CIB4: variants seen among roughly 807,000 people sequenced by gnomAD.
CIB4 encodes the protein calcium and integrin binding family member 4.
Under a neutral mutation model 25.8 loss-of-function variants are expected in CIB4, and 25 were observed. That is an observed-to-expected ratio of 0.97 (90% CI 0.71 to 1.35). The LOEUF is 1.35. CIB4 is among the 40% of genes most tolerant of loss of function. The probability of loss-of-function intolerance (pLI) is 0.00; values close to 1 mark genes in which losing one functional copy is unlikely to be tolerated. For missense variants in CIB4, 235 were observed against 228.2 expected, an observed-to-expected ratio of 1.03 and a Z score of -0.19; for synonymous variants, 75 against 81.4, an observed-to-expected ratio of 0.92 and a Z score of 0.42.
At chr2:26,625,630 G>T (rs1002602480) in intron 3 of CIB4, among the ~76,000 whole-genome samples, 2 of 152,178 alleles carry the variant, frequency 1.3e-5, no homozygotes, top group Non-Finnish European at 2.9e-5. Context: ...GGGATTACAG[G>T]CGTGAGCCAC....
chr2:26,604,981 T>C (rs924530995), intron 3 of CIB4, among the ~76,000 whole-genome samples: 3 of 152,194 alleles, frequency 2.0e-5, no homozygotes, highest in African/African-American at 7.2e-5. Flanking sequence ...TACATTTTTT[T>C]CCAAGTGTAC....
At chr2:26,610,614 C>T (rs1027721823) in intron 3 of CIB4, among the ~76,000 whole-genome samples, 1 of 152,182 alleles carries the variant, frequency 6.6e-6, no homozygotes, top group African/African-American at 2.4e-5. Context: ...TTATTAAGTA[C>T]CCAGACCTCT....
chr2:26,624,408 A>C (rs1247535633), intron 3 of CIB4, among the ~76,000 whole-genome samples: 1 of 152,204 alleles, frequency 6.6e-6, no homozygotes, highest in Non-Finnish European at 1.5e-5. Flanking sequence ...GGAAAGACAC[A>C]GAAGGAATCT....
At chr2:26,608,694 C>G (rs777800595) in intron 3 of CIB4, among the ~76,000 whole-genome samples, 1 of 152,136 alleles carries the variant, frequency 6.6e-6, no homozygotes, top group Non-Finnish European at 1.5e-5. Flanking sequence ...TGGTGTGAAG[C>G]GCAGACCACA....
rs1427760433 is a variant in CIB4 at position 26,582,854 on chromosome 2, A to G, written c.498T>C (p.His166=). 1 of 1,613,498 alleles carries G rather than the reference A, an allele frequency of 6.2e-7. No homozygotes were observed. Among genetic ancestry groups the G allele is most frequent in the Non-Finnish European group, 8.5e-7 (1 of 1,179,530 alleles). The part of the protein sequence containing the change: ...DNMLSFSEFE[H]AMAKSPDFMN... ...TGAAATCTGGAGACTTGGCCATTGC[A>G]TGTTCAAACTCTGAGAAGGACAGCA... The change falls in exon 6 of 7, where the codon CAT becomes CAC. Residue 166 remains histidine, a synonymous_variant. Transcript: ENST00000288861.
chr2:26,619,411 G>A (rs1429632537), intron 3 of CIB4, among the ~76,000 whole-genome samples: 1 of 152,130 alleles, frequency 6.6e-6, no homozygotes, highest in Non-Finnish European at 1.5e-5. Context: ...GGGGGCAGCT[G>A]CTATATGTGC....
chr2:26,608,271 G>T (rs991169420), intron 3 of CIB4, among the ~76,000 whole-genome samples: 2 of 150,906 alleles, frequency 1.3e-5, no homozygotes, highest in African/African-American at 4.9e-5. Flanking sequence ...GAGTGGGTCT[G>T]GTGAGAAGGG....
At chr2:26,583,044 T>G in intron 5 of CIB4, 131 bp from the exon 6 acceptor site, 1 of 603,254 alleles carries the variant, frequency 1.7e-6, no homozygotes. Context: ...CTGGGTCCCC[T>G]GACCCCAGTG....
chr2:26,614,237 C>G (rs1669050253), intron 3 of CIB4, among the ~76,000 whole-genome samples: 1 of 152,186 alleles, frequency 6.6e-6, no homozygotes, highest in Non-Finnish European at 1.5e-5. Flanking sequence ...CTCAAGCCAG[C>G]AGGCAGAGAG....
intron 4 of CIB4, among the ~76,000 whole-genome samples, chr2:26,588,584 C>T (rs550851874): frequency 3.3e-5 from 5 of 152,344 alleles, no homozygotes; most frequent in African/African-American, 1.2e-4. Flanking sequence ...CTTGCAGTTT[C>T]CCAGGACTTT....
intron 2 of CIB4, among the ~76,000 whole-genome samples, chr2:26,639,261 T>C (rs1211748549): frequency 3.9e-5 from 6 of 152,030 alleles, no homozygotes; most frequent in African/African-American, 1.4e-4. Flanking sequence ...GTTTGTTACA[T>C]AGGTATACAC....
At chr2:26,622,540 G>T (rs966393738) in intron 3 of CIB4, among the ~76,000 whole-genome samples, 2 of 151,946 alleles carry the variant, frequency 1.3e-5, no homozygotes, top group Non-Finnish European at 2.9e-5. Flanking sequence ...ATCAAGAAGG[G>T]GTAATACAAG....
chr2:26,632,618 C>A (rs961541368), intron 2 of CIB4, among the ~76,000 whole-genome samples: 1 of 152,076 alleles, frequency 6.6e-6, no homozygotes, highest in African/African-American at 2.4e-5. Context: ...ATTAGCCCAG[C>A]ATGGTGGCGC....
chr2:26,640,583 G>A lies in CIB4; in HGVS notation c.55-16C>T, dbSNP rs1669616693. 2 of 1,610,416 alleles carry A rather than the reference G, an allele frequency of 1.2e-6. No homozygotes were observed. Among genetic ancestry groups the A allele is most frequent in the South Asian group, 2.2e-5 (2 of 90,562 alleles). On this transcript the variant is annotated splice_polypyrimidine_tract_variant and intron_variant, in intron 1 of 6. Transcript: ENST00000288861. ...AGGTCAGGGCCTGCAACAAATCACAGAGAAGCGACGTGTCCACTCCATTCA... is the reference window on the plus strand; with the variant it reads ...AGGTCAGGGCCTGCAACAAATCACAAAGAAGCGACGTGTCCACTCCATTCA...
intron 1 of CIB4, 34 bp downstream of exon 1, chr2:26,641,227 C>G (rs373642726): frequency 6.4e-7 from 1 of 1,574,610 alleles, no homozygotes; most frequent in Non-Finnish European, 8.7e-7. Flanking sequence ...GAAGCTCCCA[C>G]CTCTGCCCAG....
At chr2:26,608,686 G>C (rs1306397304) in intron 3 of CIB4, among the ~76,000 whole-genome samples, 2 of 152,166 alleles carry the variant, frequency 1.3e-5, no homozygotes, top group African/African-American at 4.8e-5. Context: ...GGGAGAAGTG[G>C]TGTGAAGCGC....
chr2:26,638,164 A>G (rs1228880059), intron 2 of CIB4, among the ~76,000 whole-genome samples: 3 of 152,176 alleles, frequency 2.0e-5, no homozygotes, highest in Non-Finnish European at 4.4e-5. Context: ...AGAAGTTTGC[A>G]CTGAACCATG....
At chr2:26,636,127 G>C (rs1669528158) in intron 2 of CIB4, among the ~76,000 whole-genome samples, 1 of 151,796 alleles carries the variant, frequency 6.6e-6, no homozygotes, top group Non-Finnish European at 1.5e-5. Flanking sequence ...TGACCTCTTA[G>C]TAGAAAAAAA....
At chr2:26,593,332 G>A (rs1412253146) in intron 4 of CIB4, among the ~76,000 whole-genome samples, 3 of 151,498 alleles carry the variant, frequency 2.0e-5, no homozygotes, top group Non-Finnish European at 2.9e-5. Context: ...GTATATGTGT[G>A]TGTGTGTATA....
Sources: gnomAD v4.1 joint callset for allele counts (sites outside exome capture counted in the v4.1 genomes callset) on GRCh38, gnomAD v4.1.1 for gene constraint, MANE v1.5 for transcripts, NCBI Gene and HGNC (gene_info 2026-07-23, HGNC 2026-07-21) for gene names.